Variants in PHF14 observed in about 807,000 individuals in gnomAD.
PHF14 encodes the protein PHD finger protein 14.
In PHF14, 55 loss-of-function variants were observed where a neutral mutation model predicts 117.9. That is an observed-to-expected ratio of 0.47 (90% confidence interval 0.38 to 0.58). PHF14 has a LOEUF of 0.58. Among genes scored for constraint, PHF14 ranks in the 20% least tolerant of loss-of-function variants. The pLI is 0.00. For synonymous variants in PHF14, 409 were observed against 368.6 expected (o/e 1.11, Z -1.26); for missense variants, 978 against 1,122.2 (o/e 0.87, Z 1.84).
At chr7:11,027,559 A>T (rs1783968509) in intron 6 of PHF14, among the ~76,000 whole-genome samples, 1 of 152,104 alleles carries the variant, frequency 6.6e-6, no homozygotes, top group Middle Eastern at 3.2e-3. Flanking sequence ...TAAAAAAATA[A>T]ATAAATCTGA....
intron 17 of PHF14, among the ~76,000 whole-genome samples, chr7:11,118,338 C>G (rs1326541485): frequency 6.6e-6 from 1 of 151,810 alleles, no homozygotes; most frequent in Admixed American, 6.6e-5. Flanking sequence ...TGATCCTCTA[C>G]TGTAGAACAA....
chr7:10,988,331 A>T (rs1002710911), intron 3 of PHF14, among the ~76,000 whole-genome samples: 1 of 152,176 alleles, frequency 6.6e-6, no homozygotes, highest in Non-Finnish European at 1.5e-5. Context: ...AAAATGGAAA[A>T]ATAGGAAAAT....
At chr7:11,097,854 T>G (rs1306839821) in intron 16 of PHF14, among the ~76,000 whole-genome samples, 1 of 152,190 alleles carries the variant, frequency 6.6e-6, no homozygotes, top group Non-Finnish European at 1.5e-5. Context: ...TCATCTTTTC[T>G]CTAGCTCTGA....
At chr7:11,107,463 G>T in intron 16 of PHF14, 12 of 822,130 alleles carry the variant, frequency 1.5e-5, no homozygotes, top group Non-Finnish European at 1.6e-5. Context: ...GTTGTATTTA[G>T]TAAGAATCTA....
chr7:11,084,310 G>A (rs964933257), intron 16 of PHF14, among the ~76,000 whole-genome samples: 1 of 152,044 alleles, frequency 6.6e-6, no homozygotes, highest in Non-Finnish European at 1.5e-5. Context: ...TACTTTATTG[G>A]ATTTATTTTT....
chr7:10,975,475 A>G (rs1485461447), intron 2 of PHF14, among the ~76,000 whole-genome samples: 1 of 152,204 alleles, frequency 6.6e-6, no homozygotes, highest in Non-Finnish European at 1.5e-5. Context: ...CTGAAGTATA[A>G]GTCATGCATG....
intron 16 of PHF14, chr7:11,107,598 C>CT (rs1373204946): frequency 1.3e-6 from 1 of 784,436 alleles, no homozygotes; most frequent in Non-Finnish European, 1.5e-6. Flanking sequence ...ATTAAAAAAT[C>CT]TTAGTGTTTC....
chr7:11,052,971 T>C (rs561870790), intron 14 of PHF14, among the ~76,000 whole-genome samples: 1 of 152,282 alleles, frequency 6.6e-6, no homozygotes, highest in South Asian at 2.1e-4. Context: ...ATCAGGAGTG[T>C]AAATTTCAAA....
At chr7:10,977,655 A>G (rs976037605) in intron 2 of PHF14, among the ~76,000 whole-genome samples, 11 of 152,168 alleles carry the variant, frequency 7.2e-5, no homozygotes, top group South Asian at 2.1e-4. Context: ...TAAGCTTCTC[A>G]TTTTTGATTG....
chr7:11,057,744 T>C (rs1785066865), intron 14 of PHF14, among the ~76,000 whole-genome samples: 1 of 152,196 alleles, frequency 6.6e-6, no homozygotes, highest in Non-Finnish European at 1.5e-5. Flanking sequence ...ATACATTGTC[T>C]CTAATACCAT....
intron 2 of PHF14, among the ~76,000 whole-genome samples, chr7:10,975,343 T>G (rs1199915162): frequency 2.0e-5 from 3 of 152,130 alleles, no homozygotes; most frequent in African/African-American, 7.2e-5. Flanking sequence ...GACAATCTCT[T>G]AGGGGAGTTT....
chr7:10,992,679 C>T (rs1275774210), intron 4 of PHF14, among the ~76,000 whole-genome samples: 2 of 151,532 alleles, frequency 1.3e-5, no homozygotes, highest in South Asian at 2.1e-4. Context: ...AACAAACAAA[C>T]AAAAAAAGGC....
At chr7:11,103,698 A>G in intron 16 of PHF14, 1 of 984,308 alleles carries the variant, frequency 1.0e-6, no homozygotes, top group South Asian at 4.7e-5. Flanking sequence ...AACTTTAGGA[A>G]TAGAGTAGGT....
intron 16 of PHF14, among the ~76,000 whole-genome samples, chr7:11,081,086 T>C (rs1786082134): frequency 6.6e-6 from 1 of 152,166 alleles, no homozygotes; most frequent in Non-Finnish European, 1.5e-5. Flanking sequence ...TTTATATGTA[T>C]ATATATGTGA....
intron 4 of PHF14, among the ~76,000 whole-genome samples, chr7:11,007,639 T>C (rs1309247923): frequency 6.6e-6 from 1 of 152,194 alleles, no homozygotes; most frequent in Non-Finnish European, 1.5e-5. Flanking sequence ...TCATGAATAC[T>C]TTATTTAGAG....
At chr7:11,053,944 G>C (rs1233267896) in intron 14 of PHF14, among the ~76,000 whole-genome samples, 1 of 151,750 alleles carries the variant, frequency 6.6e-6, no homozygotes, top group Admixed American at 6.6e-5. Context: ...ACCAGGGAAA[G>C]AGTCCATGAC....
At chr7:11,142,489 T>C (rs538724530) in intron 17 of PHF14, among the ~76,000 whole-genome samples, 1 of 152,234 alleles carries the variant, frequency 6.6e-6, no homozygotes, top group Admixed American at 6.5e-5. Context: ...CTTATTCTGA[T>C]ATCATGTAGA....
intron 5 of PHF14, among the ~76,000 whole-genome samples, chr7:11,020,651 T>C (rs746881919): frequency 5.3e-5 from 8 of 152,322 alleles, no homozygotes; most frequent in Middle Eastern, 3.4e-3. Flanking sequence ...AGTGCTGGGA[T>C]TACAGGCATG....
chr7:11,072,361 C>T (rs144580284), intron 16 of PHF14, among the ~76,000 whole-genome samples: 3,028 of 152,282 alleles, frequency 0.02, 41 homozygotes, highest in Middle Eastern at 0.044. Flanking sequence ...GTGATCCAGT[C>T]ACCTCCCATC....
Sources: allele counts gnomAD v4.1 joint callset (sites outside exome capture counted in the v4.1 genomes callset), GRCh38; gene constraint gnomAD v4.1.1; transcripts MANE v1.5; gene names NCBI Gene and HGNC (gene_info 2026-07-23, HGNC 2026-07-21).